FAR2: variants seen among roughly 807,000 people sequenced by gnomAD.
The protein encoded by FAR2 is fatty acyl-CoA reductase 2.
A neutral mutation model predicts 56.0 loss-of-function variants in FAR2; 19 were observed. That is an observed-to-expected ratio of 0.34 (90% CI 0.24 to 0.50). The LOEUF (loss-of-function observed/expected upper bound fraction) is 0.50. Among genes scored for constraint, FAR2 ranks in the 20% least tolerant of loss-of-function variants. The pLI, the probability that FAR2 is intolerant of heterozygous loss-of-function variation, is 0.98. For synonymous variants in FAR2, 219 were observed against 218.8 expected (o/e 1.00, Z -0.01); for missense variants, 508 against 642.2 (o/e 0.79, Z 2.26).
chr12:29,256,195 GT>G (rs909662231), intron 1 of FAR2, among the ~76,000 whole-genome samples: 2 of 150,604 alleles, frequency 1.3e-5, no homozygotes, highest in South Asian at 2.1e-4. Flanking sequence ...AATTATTATT[GT>G]TTTTTTTAAA....
chr12:29,305,893 C>A lies in FAR2; in HGVS notation c.546-1765C>A, dbSNP rs775008297. Reference sequence around the variant, plus strand: ...GGCCCCTATCCCCCCAAATATTATCCTTTCCATGTACCCCAACATTAATGA... The same window carrying A: ...GGCCCCTATCCCCCCAAATATTATCATTTCCATGTACCCCAACATTAATGA... On this transcript the variant is annotated intron_variant, in intron 4 of 11. Coordinates refer to ENST00000536681, the MANE Select transcript of FAR2 (RefSeq NM_001271783.2). 1.1e-4 allele frequency among the ~76,000 whole-genome samples: 17 copies of A among 152,236 alleles called. No homozygotes were observed. In the South Asian group the frequency reaches 3.5e-3, roughly 32 times the overall value.
intron 1 of FAR2, among the ~76,000 whole-genome samples, chr12:29,209,360 A>G (rs1409686990): frequency 6.6e-5 from 10 of 152,162 alleles, no homozygotes; most frequent in Admixed American, 6.5e-4. Context: ...TCAATCGTCA[A>G]TGTATTGATT....
chr12:29,315,709 C>T (rs566674066), intron 8 of FAR2, among the ~76,000 whole-genome samples: 2 of 152,184 alleles, frequency 1.3e-5, no homozygotes, highest in Non-Finnish European at 2.9e-5. Flanking sequence ...TCAAGGATGA[C>T]CCCAAAGTTT....
At chr12:29,324,968 A>T (rs1417325954) in intron 10 of FAR2, among the ~76,000 whole-genome samples, 2 of 150,486 alleles carry the variant, frequency 1.3e-5, no homozygotes, top group Non-Finnish European at 3.0e-5. Context: ...TTGGATAAAG[A>T]GTCAAGAACC....
At position 29,249,135 on chromosome 12, in the gene FAR2, T is replaced by C. The variant is rs991859735; in HGVS notation, c.-38-21277T>C. Among the ~76,000 whole-genome samples, 25 of 152,220 alleles carry C rather than the reference T, an allele frequency of 1.6e-4. 1 individual carries two copies. The highest frequency in any genetic ancestry group is 1.2e-3 in the East Asian group (6 of 5,190). ...GCATAGGAAATCACCAGGGTATTGA[T>C]TGGGGAAGTGATAAGTGTCCATGAA... On this transcript the variant is annotated intron_variant, in intron 1 of 11. Transcript: ENST00000536681.
At chr12:29,242,139 G>A (rs1422238788) in intron 1 of FAR2, among the ~76,000 whole-genome samples, 1 of 152,164 alleles carries the variant, frequency 6.6e-6, no homozygotes, top group Non-Finnish European at 1.5e-5. Flanking sequence ...CAAGACTTCT[G>A]AGGAGCTAGA....
At position 29,286,064 on chromosome 12, in the gene FAR2, G is replaced by C. The variant is rs7295892; in HGVS notation, c.190-7236G>C. Among the ~76,000 whole-genome samples, 3 of 150,884 alleles carry C rather than the reference G, an allele frequency of 2.0e-5. No homozygotes were observed. The East Asian group carries it at 5.9e-4, about 29-fold the overall frequency. On this transcript the variant is annotated intron_variant, in intron 2 of 11. Transcript: ENST00000536681. The stretch of plus-strand genomic sequence containing the variant: ...GTTGGCATGACCCAACACACACACA[G>C]ACACACACACACACACACACACACA...
intron 3 of FAR2, among the ~76,000 whole-genome samples, chr12:29,294,550 A>C (rs1262116189): frequency 6.6e-6 from 1 of 152,152 alleles, no homozygotes; most frequent in African/African-American, 2.4e-5. Context: ...GAGTTTCATC[A>C]TGTTGGCCAG....
At position 29,333,628 on chromosome 12, in the gene FAR2, C is replaced by G; in HGVS notation, c.1386-4C>G. On this transcript the variant is annotated splice_polypyrimidine_tract_variant and splice_region_variant and intron_variant, in intron 11 of 11. Transcript: ENST00000536681. ...AACTTTGGTTATGTCTGTCTGTTCC[C>G]TAGGCTCCGAAATATTCACTACCTC... 1 of 1,611,476 alleles carries G rather than the reference C, an allele frequency of 6.2e-7. No individual in the cohort carries two copies. Among genetic ancestry groups the G allele is most frequent in the Non-Finnish European group, 8.5e-7 (1 of 1,178,678 alleles).
In FAR2 at chr12:29,270,531, G is replaced by A; in HGVS notation, c.82G>A (p.Glu28Lys). 6.2e-7 allele frequency: 1 copy of A among 1,613,928 alleles called. No individual in the cohort carries two copies. Among genetic ancestry groups the A allele is most frequent in the Non-Finnish European group, 8.5e-7 (1 of 1,179,848 alleles). ...ATGFLGKVLM[E>K]KLFRTSPDLK... is the part of the protein sequence containing the mutation. ...AGGCTTTCTGGGCAAAGTGCTGATG[G>A]AGAAGCTGTTTCGCACCAGCCCAGA... The change falls in exon 2 of 12, where the codon GAG becomes AAG. Residue 28 changes from glutamate (E) to lysine (K), a missense_variant. Transcript: ENST00000536681.
chr12:29,286,052 AACACACACACAGACACACAC>A (rs1565505127), intron 2 of FAR2, among the ~76,000 whole-genome samples: 1 of 108,514 alleles, frequency 9.2e-6, no homozygotes, highest in Non-Finnish European at 1.8e-5. Context: ...GGCATGACCC[AACACACACACAGACACACAC>A]ACACACACAC....
intron 2 of FAR2, 74 bp downstream of exon 2, chr12:29,270,712 A>G: frequency 7.5e-7 from 1 of 1,334,964 alleles, no homozygotes; most frequent in Non-Finnish European, 1.0e-6. Flanking sequence ...GTTCTCTTAT[A>G]GTCTCATATT....
At chr12:29,276,148 T>C (rs1364700706) in intron 2 of FAR2, among the ~76,000 whole-genome samples, 1 of 152,244 alleles carries the variant, frequency 6.6e-6, no homozygotes, top group Non-Finnish European at 1.5e-5. Context: ...TGTAAAATGC[T>C]GTAATAATAC....
At chr12:29,324,826 A>T (rs928480610) in intron 10 of FAR2, among the ~76,000 whole-genome samples, 3 of 152,222 alleles carry the variant, frequency 2.0e-5, no homozygotes, top group African/African-American at 7.2e-5. Flanking sequence ...CAAGGCTAGG[A>T]AGAAACTGCA....
At chr12:29,200,758 T>C (rs1947399241) in intron 1 of FAR2, among the ~76,000 whole-genome samples, 1 of 152,206 alleles carries the variant, frequency 6.6e-6, no homozygotes, top group African/African-American at 2.4e-5. Flanking sequence ...GACTAACCTT[T>C]GATGTACCGT....
chr12:29,173,568 C>T (rs1313393964), intron 1 of FAR2, among the ~76,000 whole-genome samples: 3 of 151,964 alleles, frequency 2.0e-5, no homozygotes, highest in Non-Finnish European at 4.4e-5. Context: ...CCATTTTTCT[C>T]CATCAGAGAG....
intron 2 of FAR2, among the ~76,000 whole-genome samples, chr12:29,284,905 G>C (rs1039106822): frequency 6.6e-6 from 1 of 152,114 alleles, no homozygotes; most frequent in Non-Finnish European, 1.5e-5. Flanking sequence ...GCAGTGGCGC[G>C]ATCTCGGCTC....
chr12:29,211,091 T>G (rs564811001), intron 1 of FAR2, among the ~76,000 whole-genome samples: 78 of 152,218 alleles, frequency 5.1e-4, no homozygotes, highest in Admixed American at 1.0e-3. Flanking sequence ...GTAGGGTTGA[T>G]TTTTAGTCTG....
intron 4 of FAR2, among the ~76,000 whole-genome samples, chr12:29,307,200 T>A (rs1360777792): frequency 6.6e-6 from 1 of 152,164 alleles, no homozygotes; most frequent in Non-Finnish European, 1.5e-5. Context: ...CTTATGAGCT[T>A]GCTAGAGAGG....
Sources: gnomAD v4.1 joint callset for allele counts (sites outside exome capture counted in the v4.1 genomes callset) on GRCh38, gnomAD v4.1.1 for gene constraint, MANE v1.5 for transcripts, NCBI Gene and HGNC (gene_info 2026-07-23, HGNC 2026-07-21) for gene names.